Variants in FADS6 observed in about 807,000 individuals in gnomAD.
FADS6 encodes fatty acid desaturase 6.
In FADS6, 28 loss-of-function variants were observed where a neutral mutation model predicts 31.7. The observed-to-expected ratio is 0.88, with a 90% CI of 0.66 to 1.21. The LOEUF (loss-of-function observed/expected upper bound fraction) is 1.21. Ranked by LOEUF, FADS6 falls within the 50% of genes most tolerant of loss-of-function variation. The pLI, the probability that FADS6 is intolerant of heterozygous loss-of-function variation, is 0.00. For missense variants in FADS6, 494 were observed against 504.2 expected (o/e 0.98, Z 0.19); for synonymous variants, 191 against 213.1 (o/e 0.90, Z 0.90).
chr17:74,883,873 G>A (rs759695663), intron 2 of FADS6, among the ~76,000 whole-genome samples: 6 of 152,086 alleles, frequency 3.9e-5, no homozygotes, highest in Non-Finnish European at 8.8e-5. Context: ...TCACCATGTT[G>A]GCCAGGCTAG....
rs2038612888 is a variant in FADS6 at position 74,885,383 on chromosome 17, C to T, written c.412-2673G>A. On this transcript the variant is annotated intron_variant, in intron 2 of 5. Transcript: ENST00000612771. Reference sequence around the variant, plus strand: ...CAAACATCAAAATCATATCACTGGACTTTTTGTATTTTACCTAGAAAACCT... The same window carrying T: ...CAAACATCAAAATCATATCACTGGATTTTTTGTATTTTACCTAGAAAACCT... 1.3e-5 allele frequency among the ~76,000 whole-genome samples: 2 copies of T among 152,028 alleles called. 1 individual carries two copies. The highest frequency in any genetic ancestry group is 4.1e-4 in the South Asian group (2 of 4,822).
rs112561147 is a variant in FADS6 at position 74,883,598 on chromosome 17, G to A, written c.412-888C>T. Reference sequence around the variant, plus strand: ...TCGCACACTTCCTGAGGGCGGTGGCGGATGACCACATGCTGCTGAGTTAGT... The same window carrying A: ...TCGCACACTTCCTGAGGGCGGTGGCAGATGACCACATGCTGCTGAGTTAGT... On this transcript the variant is annotated intron_variant, in intron 2 of 5. Coordinates refer to ENST00000612771, the MANE Select transcript of FADS6 (RefSeq NM_178128.6). 2.5e-4 allele frequency among the ~76,000 whole-genome samples: 38 copies of A among 152,324 alleles called. 1 individual carries two copies. The highest frequency in any genetic ancestry group is 8.7e-4 in the African/African-American group (36 of 41,574).
chr17:74,875,057 T>G (rs2038500294), downstream of FADS6, among the ~76,000 whole-genome samples: 1 of 152,156 alleles, frequency 6.6e-6, no homozygotes, highest in East Asian at 1.9e-4. Flanking sequence ...GTTCGTACAA[T>G]CGAAAAAGTT....
chr17:74,879,102 G>A (rs763987656), intron 5 of FADS6: 3 of 265,404 alleles, frequency 1.1e-5, no homozygotes, highest in Non-Finnish European at 2.1e-5. Context: ...GCAGTGGCAC[G>A]ATTATGGTTC....
At position 74,878,204 on chromosome 17, in the gene FADS6, G is replaced by GCCCC; in HGVS notation, c.*126_*127insGGGG. 3 of 1,442,490 alleles carry GCCCC rather than the reference G, an allele frequency of 2.1e-6. No individual in the cohort carries two copies. The highest frequency in any genetic ancestry group is 2.7e-6 in the Non-Finnish European group (3 of 1,101,380). 89.4% of individuals were successfully genotyped at this position (1,442,490 alleles called of 1,614,324 possible). ...CAGGCCTGAGCTCCCCTGCCCCCCT[G>GCCCC]CCTGGCCGGTGCCTCCACTCTCCAG... On this transcript the variant is annotated 3_prime_UTR_variant, in exon 6 of 6. Transcript: ENST00000612771.
intron 1 of FADS6, 125 bp from the exon 2 acceptor site, chr17:74,892,814 C>T (rs2038706115): frequency 3.2e-6 from 3 of 948,416 alleles, no homozygotes; most frequent in Admixed American, 2.9e-5. Context: ...TGCCACTGGC[C>T]GGAGTGAGGC....
At chr17:74,885,511 C>T (rs1312766401) in intron 2 of FADS6, among the ~76,000 whole-genome samples, 3 of 152,118 alleles carry the variant, frequency 2.0e-5, no homozygotes, top group Non-Finnish European at 2.9e-5. Context: ...GAGAGAGGAA[C>T]GGAAGCTACG....
At chr17:74,885,864 A>G (rs185724319) in intron 2 of FADS6, among the ~76,000 whole-genome samples, 40 of 152,286 alleles carry the variant, frequency 2.6e-4, no homozygotes, top group African/African-American at 8.4e-4. Flanking sequence ...TTTAAAAACT[A>G]AATGAGGGGC....
chr17:74,884,668 A>G (rs2038605324), intron 2 of FADS6, among the ~76,000 whole-genome samples: 1 of 152,146 alleles, frequency 6.6e-6, no homozygotes, highest in Non-Finnish European at 1.5e-5. Context: ...AAGCAGGAGC[A>G]GCGAGACGGG....
chr17:74,882,912 A>G (rs375048116), intron 2 of FADS6: 1 of 1,397,140 alleles, frequency 7.2e-7, no homozygotes, highest in Admixed American at 2.4e-5. Flanking sequence ...AGTCAATACA[A>G]TCGTGTCCGT....
chr17:74,887,886 C>G (rs2038640200), intron 2 of FADS6, among the ~76,000 whole-genome samples: 1 of 152,126 alleles, frequency 6.6e-6, no homozygotes, highest in South Asian at 2.1e-4. Context: ...CGGGGTTTCA[C>G]CATGTTGGCC....
chr17:74,880,717 T>C (rs1023332838), intron 4 of FADS6, among the ~76,000 whole-genome samples: 11 of 152,104 alleles, frequency 7.2e-5, no homozygotes, highest in Non-Finnish European at 1.5e-4. Context: ...AGGGGACCAC[T>C]TACCACAACT....
chr17:74,880,545 G>A (rs1430408829), intron 4 of FADS6, among the ~76,000 whole-genome samples: 1 of 151,924 alleles, frequency 6.6e-6, no homozygotes, highest in East Asian at 1.9e-4. Context: ...AATAGAGACA[G>A]GGTTTTACCA....
At chr17:74,882,082 C>T (rs1567925870) in intron 3 of FADS6, among the ~76,000 whole-genome samples, 1 of 151,938 alleles carries the variant, frequency 6.6e-6, no homozygotes, top group African/African-American at 2.4e-5. Flanking sequence ...ACTACAGGCG[C>T]CCACCACCAC....
intron 4 of FADS6, among the ~76,000 whole-genome samples, chr17:74,880,154 G>T (rs112930126): frequency 0.033 from 4,965 of 152,142 alleles, 271 homozygotes; most frequent in African/African-American, 0.11. Flanking sequence ...CCTTCCCTGG[G>T]CAGGGAGCAG....
At chr17:74,881,400 T>A in intron 3 of FADS6, 145 bp from the exon 4 acceptor site, 1 of 786,382 alleles carries the variant, frequency 1.3e-6, no homozygotes, top group Non-Finnish European at 1.9e-6. Context: ...CCCCATTGTG[T>A]GGATGAAGAA....
At chr17:74,892,814 C>A in intron 1 of FADS6, 125 bp from the exon 2 acceptor site, 1 of 948,416 alleles carries the variant, frequency 1.1e-6, no homozygotes, top group Non-Finnish European at 1.5e-6. Context: ...TGCCACTGGC[C>A]GGAGTGAGGC....
intron 2 of FADS6, chr17:74,883,002 T>G: frequency 3.4e-6 from 2 of 588,004 alleles, no homozygotes; most frequent in Non-Finnish European, 2.9e-6. Flanking sequence ...GCCCAGGCAA[T>G]GAGTCTCAGA....
At chr17:74,886,789 C>T (rs1223676558) in intron 2 of FADS6, among the ~76,000 whole-genome samples, 2 of 152,108 alleles carry the variant, frequency 1.3e-5, no homozygotes, top group Non-Finnish European at 2.9e-5. Context: ...TCCTGAGGGT[C>T]CCTCATGCAC....
Sources: allele counts gnomAD v4.1 joint callset (sites outside exome capture counted in the v4.1 genomes callset), GRCh38; gene constraint gnomAD v4.1.1; transcripts MANE v1.5; gene names NCBI Gene and HGNC (gene_info 2026-07-23, HGNC 2026-07-21).